The following CDH18 variants were observed in gnomAD, a reference collection of about 807,000 sequenced individuals.
CDH18 encodes cadherin 18.
Under a neutral mutation model 67.9 loss-of-function variants are expected in CDH18, and 31 were observed. That is an observed-to-expected ratio of 0.46 (90% CI 0.34 to 0.62). The LOEUF (loss-of-function observed/expected upper bound fraction) is 0.62, where lower values mean the gene tolerates loss of function less well. Among genes scored for constraint, CDH18 ranks in the 20% least tolerant of loss-of-function variants. The pLI is 0.01. For synonymous variants in CDH18, 362 were observed against 347.2 expected (o/e 1.04, Z -0.48); for missense variants, 890 against 975.5 (o/e 0.91, Z 1.17).
intron 2 of CDH18, among the ~76,000 whole-genome samples, chr5:19,889,703 G>T (rs1788581601): frequency 6.6e-6 from 1 of 152,038 alleles, no homozygotes; most frequent in Non-Finnish European, 1.5e-5. Flanking sequence ...AAGGATCTCT[G>T]ATTAGAAAAA....
chr5:19,514,245 T>C (rs567193051), intron 10 of CDH18, among the ~76,000 whole-genome samples: 232 of 152,306 alleles, frequency 1.5e-3, no homozygotes, highest in Middle Eastern at 3.4e-3. Context: ...CAGTCTATCA[T>C]TGATGGACAT....
At position 20,422,405 on chromosome 5, in the gene CDH18, G is replaced by C. The variant is rs577522570; in HGVS notation, c.-580+153057C>G. ...TTTAAACATGATTTTAAATAGCTCA[G>C]TTTATGGATGACTTAATAATATTAA... On this transcript the variant is annotated intron_variant, in intron 1 of 14. Transcript: ENST00000507958. 1.7e-4 allele frequency among the ~76,000 whole-genome samples: 25 copies of C among 151,000 alleles called. 1 individual carries two copies. The highest frequency in any genetic ancestry group is 5.4e-4 in the African/African-American group (22 of 40,536).
At chr5:19,563,865 C>T (rs1178682926) in intron 8 of CDH18, among the ~76,000 whole-genome samples, 1 of 152,206 alleles carries the variant, frequency 6.6e-6, no homozygotes, top group Non-Finnish European at 1.5e-5. Flanking sequence ...ACCCCTCCCT[C>T]ATACCCTGGT....
intron 8 of CDH18, among the ~76,000 whole-genome samples, chr5:19,546,875 A>C (rs1645688065): frequency 6.6e-6 from 1 of 152,212 alleles, no homozygotes; most frequent in African/African-American, 2.4e-5. Context: ...TGATCAAAAC[A>C]AGGAACTGAC....
intron 9 of CDH18, 38 bp from the exon 10 acceptor site, chr5:19,520,816 C>T (rs751570241): frequency 6.2e-7 from 1 of 1,607,720 alleles, no homozygotes; most frequent in Non-Finnish European, 8.5e-7. Flanking sequence ...TATTTCCATG[C>T]ACACTTTAGA....
intron 4 of CDH18, among the ~76,000 whole-genome samples, chr5:19,746,521 TG>T (rs1770018526): frequency 1.3e-5 from 2 of 152,220 alleles, no homozygotes; most frequent in Non-Finnish European, 2.9e-5. Context: ...GGTCATACAC[TG>T]AAAGCTTAAA....
At chr5:20,236,131 C>T (rs997418646) in intron 2 of CDH18, among the ~76,000 whole-genome samples, 21 of 151,990 alleles carry the variant, frequency 1.4e-4, no homozygotes, top group Admixed American at 2.6e-4. Context: ...ACTATGCTGA[C>T]TACCTGGGTG....
intron 5 of CDH18, among the ~76,000 whole-genome samples, chr5:19,623,813 C>T (rs917093144): frequency 3.4e-4 from 51 of 150,914 alleles, no homozygotes; most frequent in Admixed American, 1.5e-3. Flanking sequence ...CCATCTAGTT[C>T]CATTAGTAAT....
chr5:20,391,089 C>G (rs750540201), intron 1 of CDH18, among the ~76,000 whole-genome samples: 2 of 151,866 alleles, frequency 1.3e-5, no homozygotes, highest in African/African-American at 4.8e-5. Flanking sequence ...ACATATGTAA[C>G]TAACCTGCAC....
intron 3 of CDH18, 116 bp downstream of exon 3, chr5:19,838,643 C>G (rs770738611): frequency 1.6e-4 from 109 of 663,558 alleles, no homozygotes; most frequent in Non-Finnish European, 2.5e-4. Flanking sequence ...GCGTAATTCA[C>G]TCTACAACAT....
chr5:20,281,552 T>G (rs1580658334), intron 1 of CDH18, among the ~76,000 whole-genome samples: 1 of 152,022 alleles, frequency 6.6e-6, no homozygotes, highest in African/African-American at 2.4e-5. Flanking sequence ...GCTCTGTTCT[T>G]TTCCATTGGT....
chr5:20,235,747 C>G (rs574239656), intron 2 of CDH18, among the ~76,000 whole-genome samples: 3 of 152,154 alleles, frequency 2.0e-5, no homozygotes, highest in Admixed American at 6.5e-5. Flanking sequence ...AATTGAACTA[C>G]CATTTGATCC....
intron 10 of CDH18, among the ~76,000 whole-genome samples, chr5:19,509,594 T>C (rs1403270788): frequency 2.0e-5 from 3 of 152,174 alleles, no homozygotes; most frequent in African/African-American, 7.2e-5. Context: ...TCTATTGACC[T>C]AGTTAATTTT....
chr5:19,999,405 C>A (rs562449474), intron 2 of CDH18, among the ~76,000 whole-genome samples: 1 of 152,108 alleles, frequency 6.6e-6, no homozygotes, highest in South Asian at 2.1e-4. Context: ...TTTGAGACCA[C>A]CAGCCTGGCC....
intron 1 of CDH18, among the ~76,000 whole-genome samples, chr5:20,401,733 C>A (rs1444474772): frequency 6.6e-6 from 1 of 152,136 alleles, no homozygotes; most frequent in Non-Finnish European, 1.5e-5. Flanking sequence ...TTTCTTATTT[C>A]TTCACTGCTA....
intron 2 of CDH18, among the ~76,000 whole-genome samples, chr5:19,972,741 A>G (rs1019409892): frequency 6.6e-6 from 1 of 152,020 alleles, no homozygotes; most frequent in Non-Finnish European, 1.5e-5. Context: ...GAATATATAC[A>G]TAACTTATAA....
At position 20,555,441 on chromosome 5, in the gene CDH18, T is replaced by C. The variant is rs1561126299; in HGVS notation, c.-580+20021A>G. On this transcript the variant is annotated intron_variant, in intron 1 of 14. Transcript: ENST00000507958. The stretch of plus-strand genomic sequence containing the variant: ...TTTTTTTTTTTTTTTTTTTTTTTTT[T>C]TTTTTTTTTCTTTTTTCTTTGAGAC... Among the ~76,000 whole-genome samples the C allele has an allele frequency of 2.1e-3, 109 of 51,916 alleles. 3 individuals are homozygous for C. The highest frequency in any genetic ancestry group is 0.01 in the Middle Eastern group (1 of 100). The allele number at this position is 51,916 out of a possible 152,430, so 34.1% of individuals were successfully genotyped here. A position where few individuals can be genotyped will look rare whatever the true frequency, so the allele number is the denominator to read the frequency against.
chr5:19,744,761 CTT>C (rs932133840), intron 4 of CDH18, among the ~76,000 whole-genome samples: 1 of 152,150 alleles, frequency 6.6e-6, no homozygotes, highest in Admixed American at 6.5e-5. Flanking sequence ...TGGGACTCAA[CTT>C]TCTAACAGAT....
intron 5 of CDH18, among the ~76,000 whole-genome samples, chr5:19,702,215 C>G (rs1244820399): frequency 7.2e-6 from 1 of 139,038 alleles, no homozygotes; most frequent in East Asian, 2.3e-4. Context: ...ATGGTACAAT[C>G]TCAGCTCACT....
Sources: allele counts gnomAD v4.1 joint callset (sites outside exome capture counted in the v4.1 genomes callset), GRCh38; gene constraint gnomAD v4.1.1; transcripts MANE v1.5; gene names NCBI Gene and HGNC (gene_info 2026-07-23, HGNC 2026-07-21).